DNAAF4: variants seen among roughly 807,000 people sequenced by gnomAD.
DNAAF4 encodes dynein axonemal assembly factor 4.
DNAAF4 carries 43 observed loss-of-function variants against 51.8 expected under a neutral mutation model. The ratio of observed to expected loss-of-function variants is 0.83; its 90% CI spans 0.65 to 1.07. The LOEUF (loss-of-function observed/expected upper bound fraction) is 1.07, where lower values mean the gene tolerates loss of function less well. Ranked by LOEUF, DNAAF4 falls within the 50% of genes least tolerant of loss-of-function variation. DNAAF4 has a pLI of 0.00. For synonymous variants in DNAAF4, 194 were observed against 165.6 expected, an observed-to-expected ratio of 1.17 and a Z score of -1.32; for missense variants, 581 against 493.0, an observed-to-expected ratio of 1.18 and a Z score of -1.69.
chr15:55,449,390 C>T (rs1051442293), intron 6 of DNAAF4, among the ~76,000 whole-genome samples: 3 of 151,180 alleles, frequency 2.0e-5, no homozygotes, highest in Admixed American at 1.3e-4. Context: ...TGGCTGGGTA[C>T]GGTGGCTCAT....
At chr15:55,470,054 CT>C (rs1230252598) in intron 4 of DNAAF4, among the ~76,000 whole-genome samples, 1 of 150,074 alleles carries the variant, frequency 6.7e-6, no homozygotes, top group African/African-American at 2.4e-5. Context: ...ATATTTACCC[CT>C]TTTTTTTTTT....
At chr15:55,434,000 T>TATATATTATATATATTCTTATATATA (rs1567000817) in intron 8 of DNAAF4, among the ~76,000 whole-genome samples, 3 of 54,426 alleles carry the variant, frequency 5.5e-5, no homozygotes, top group African/African-American at 6.7e-5. Flanking sequence ...TATATAATAT[T>TATATATTATATATATTCTTATATATA]ATATATATTA....
rs765948430 is a variant in DNAAF4, at chr15:55,430,736, G to A, written c.1197C>T (p.Asn399=). ...TCTCAGCATCAATTTGTACAATTTT[G>A]TTGGATGGATCAATCTTAAGTGCCG... The part of the protein sequence containing the change: ...YEAALKIDPS[N]KIVQIDAEKI... The change falls in exon 10 of 10, where the codon AAC becomes AAT. Residue 399 remains asparagine (N), a synonymous_variant. Transcript: ENST00000321149. The A allele has an allele frequency of 1.9e-6, 3 of 1,613,306 alleles. No homozygotes were observed. The highest frequency in any genetic ancestry group is 2.5e-6 in the Non-Finnish European group (3 of 1,179,578).
chr15:55,489,674 CAAA>C (rs756823133), intron 4 of DNAAF4, among the ~76,000 whole-genome samples: 2 of 80,828 alleles, frequency 2.5e-5, no homozygotes, highest in African/African-American at 3.8e-5. Flanking sequence ...GACACCATTT[CAAA>C]AAAAAAAAAA....
rs533966255 is a variant in DNAAF4, at chr15:55,473,449, C to G, written c.406-6288G>C. On this transcript the variant is annotated intron_variant, in intron 4 of 9. Coordinates refer to ENST00000321149, the MANE Select transcript of DNAAF4 (RefSeq NM_130810.4). ...CTTAATCAAATAGGGGTAACTTAACCTAGGAAAATATTAAAATTATAATAC... is the reference window on the plus strand; with the variant it reads ...CTTAATCAAATAGGGGTAACTTAACGTAGGAAAATATTAAAATTATAATAC... Among the ~76,000 whole-genome samples the G allele has an allele frequency of 2.5e-3, 371 of 149,242 alleles. 2 individuals are homozygous for G. The highest frequency in any genetic ancestry group is 4.0e-3 in the Non-Finnish European group (267 of 67,464).
intron 7 of DNAAF4, chr15:55,418,540 T>C: frequency 6.7e-7 from 1 of 1,498,926 alleles, no homozygotes; most frequent in Non-Finnish European, 8.9e-7. Flanking sequence ...CCAGAACTCT[T>C]GATTTTCCTA....
At chr15:55,469,515 C>T (rs2058221052) in intron 4 of DNAAF4, among the ~76,000 whole-genome samples, 1 of 103,626 alleles carries the variant, frequency 9.7e-6, no homozygotes, top group East Asian at 3.5e-4. Flanking sequence ...CGGAGTCTCA[C>T]TCTGTCGCCC....
At chr15:55,432,230 C>T (rs561348428) in intron 9 of DNAAF4, among the ~76,000 whole-genome samples, 190 of 152,288 alleles carry the variant, frequency 1.2e-3, no homozygotes, top group African/African-American at 4.4e-3. Flanking sequence ...GGATTACAGG[C>T]ATGAGCATCT....
At chr15:55,486,990 G>A (rs1169619116) in intron 4 of DNAAF4, among the ~76,000 whole-genome samples, 1 of 152,066 alleles carries the variant, frequency 6.6e-6, no homozygotes, top group Non-Finnish European at 1.5e-5. Context: ...TCATTAGCCA[G>A]AACGAGCTTT....
intron 6 of DNAAF4, among the ~76,000 whole-genome samples, chr15:55,441,841 C>A (rs1221935309): frequency 6.6e-6 from 1 of 152,090 alleles, no homozygotes; most frequent in Non-Finnish European, 1.5e-5. Flanking sequence ...TCTAGAATCC[C>A]AGACAACAGA....
At chr15:55,420,001 C>T (rs2057374930) in intron 7 of DNAAF4, among the ~76,000 whole-genome samples, 1 of 151,068 alleles carries the variant, frequency 6.6e-6, no homozygotes, top group Non-Finnish European at 1.5e-5. Context: ...AAAACTCTGT[C>T]TCAAAAAAAA....
chr15:55,486,818 A>G (rs951768815), intron 4 of DNAAF4, among the ~76,000 whole-genome samples: 3 of 152,132 alleles, frequency 2.0e-5, no homozygotes, highest in African/African-American at 7.2e-5. Flanking sequence ...AAAAATGATA[A>G]AATATCCCCA....
At chr15:55,453,378 A>C (rs1280574706) in intron 5 of DNAAF4, among the ~76,000 whole-genome samples, 1 of 152,164 alleles carries the variant, frequency 6.6e-6, no homozygotes, top group Non-Finnish European at 1.5e-5. Context: ...ATCAGCAGAC[A>C]CAACAAATAA....
At chr15:55,430,967 G>T in intron 9 of DNAAF4, among the ~76,000 whole-genome samples, 188 bp from the exon 10 acceptor site, 1 of 151,964 alleles carries the variant, frequency 6.6e-6, no homozygotes, top group Non-Finnish European at 1.5e-5. Context: ...AGGCGGGAGT[G>T]CAGTGGCATG....
At chr15:55,478,333 G>T (rs1480692759) in intron 4 of DNAAF4, among the ~76,000 whole-genome samples, 2 of 152,288 alleles carry the variant, frequency 1.3e-5, no homozygotes, top group East Asian at 3.9e-4. Context: ...GTACCAAGCT[G>T]CCCAGTCCCC....
chr15:55,418,051 T>C (rs2057352390), exon 8 of DNAAF4: 1 of 1,347,528 alleles, frequency 7.4e-7, no homozygotes, highest in East Asian at 2.3e-5. Flanking sequence ...CATCTGGATG[T>C]ATACGTGCAG....
At chr15:55,457,138 G>T (rs2058032116) in intron 5 of DNAAF4, among the ~76,000 whole-genome samples, 1 of 152,172 alleles carries the variant, frequency 6.6e-6, no homozygotes, top group Admixed American at 6.5e-5. Flanking sequence ...TGCTTTCTCA[G>T]TGGCAAGGCT....
chr15:55,464,230 C>G (rs1050713475), intron 5 of DNAAF4, among the ~76,000 whole-genome samples: 48 of 152,260 alleles, frequency 3.2e-4, no homozygotes, highest in African/African-American at 1.1e-3. Context: ...ACAAATGGTG[C>G]TGGGATAATT....
chr15:55,424,949 G>A (rs550005944), intron 7 of DNAAF4, among the ~76,000 whole-genome samples: 23 of 148,008 alleles, frequency 1.6e-4, no homozygotes, highest in Admixed American at 5.4e-4. Context: ...CACCACAACC[G>A]TCACCTCCCA....
Sources: gnomAD v4.1 joint callset for allele counts (sites outside exome capture counted in the v4.1 genomes callset) on GRCh38, gnomAD v4.1.1 for gene constraint, MANE v1.5 for transcripts, NCBI Gene and HGNC (gene_info 2026-07-23, HGNC 2026-07-21) for gene names.